The following ACKR2 variants were observed in gnomAD, a reference collection of about 807,000 sequenced individuals.
The protein encoded by ACKR2 is atypical chemokine receptor 2, also known as C-C chemokine receptor D6.
For missense variants in ACKR2, 457 were observed against 477.3 expected (o/e 0.96, Z 0.40); for synonymous variants, 207 against 192.2 (o/e 1.08, Z -0.64).
intron 2 of ACKR2, among the ~76,000 whole-genome samples, chr3:42,834,279 T>C (rs1440387291): frequency 6.6e-6 from 1 of 152,140 alleles, no homozygotes; most frequent in African/African-American, 2.4e-5. Flanking sequence ...ATTATACCGC[T>C]ATGGTGATCT....
intron 2 of ACKR2, among the ~76,000 whole-genome samples, chr3:42,853,494 G>A (rs78023511): frequency 0.073 from 11,081 of 152,118 alleles, 594 homozygotes; most frequent in Non-Finnish European, 0.11. Flanking sequence ...CAAACTCCTA[G>A]GCTCAAGGAA....
intron 2 of ACKR2, among the ~76,000 whole-genome samples, chr3:42,825,949 G>A (rs1235818317): frequency 6.7e-6 from 1 of 149,800 alleles, no homozygotes; most frequent in Admixed American, 6.7e-5. Context: ...ATCAGGAAAG[G>A]TGGTGAAGAT....
At chr3:42,826,533 A>C (rs1463473975) in intron 2 of ACKR2, among the ~76,000 whole-genome samples, 1 of 152,062 alleles carries the variant, frequency 6.6e-6, no homozygotes, top group Admixed American at 6.5e-5. Context: ...ATTTATTGGC[A>C]TACAGATGTT....
chr3:42,846,511 G>C (rs749461167), intron 2 of ACKR2, among the ~76,000 whole-genome samples: 1 of 152,180 alleles, frequency 6.6e-6, no homozygotes, highest in African/African-American at 2.4e-5. Context: ...GGTGCATCCA[G>C]CTGCTGCTAT....
In ACKR2 at chr3:42,852,053, G is replaced by A. The variant is rs562919855; in HGVS notation, c.-37-12413G>A. On this transcript the variant is annotated intron_variant, in intron 2 of 2. Coordinates refer to ENST00000422265, the MANE Select transcript of ACKR2 (RefSeq NM_001296.5). This position sits in a 1 kb window ranked among gnomAD's most constrained non-coding sequence, Gnocchi z 4.3. ...GGCTGGAAGAGAACCAATAGTATAT[G>A]CCAGGCCCTTAGTTTACCATAATAA... Among the ~76,000 whole-genome samples, 5 of 152,328 alleles carry A rather than the reference G, an allele frequency of 3.3e-5. No homozygotes were observed. In the South Asian group the frequency reaches 8.3e-4, roughly 25 times the overall value.
intron 2 of ACKR2, among the ~76,000 whole-genome samples, chr3:42,833,715 A>G (rs567947426): frequency 1.5e-3 from 229 of 152,050 alleles, no homozygotes; most frequent in African/African-American, 5.2e-3. Context: ...TTAAAAAAAA[A>G]ACTGCATTAC....
chr3:42,836,585 ACT>A (rs1464459864), intron 2 of ACKR2, among the ~76,000 whole-genome samples: 8 of 152,164 alleles, frequency 5.3e-5, no homozygotes, highest in Admixed American at 3.9e-4. Context: ...CATTGTCATG[ACT>A]CTGTGGGGCT....
chr3:42,846,239 C>T (rs1701095965), intron 2 of ACKR2, among the ~76,000 whole-genome samples: 2 of 152,208 alleles, frequency 1.3e-5, no homozygotes, highest in Non-Finnish European at 2.9e-5. Context: ...TCAGGAAGGG[C>T]TTCCTGGATG....
At chr3:42,809,565 C>G (rs1013867948) in intron 1 of ACKR2, 33 bp downstream of exon 1, 2 of 152,056 alleles carry the variant, frequency 1.3e-5, no homozygotes, top group East Asian at 3.9e-4. Flanking sequence ...AATTCTTAGA[C>G]AAAAAGTAGG....
intron 2 of ACKR2, among the ~76,000 whole-genome samples, chr3:42,849,884 G>A (rs1701134515): frequency 6.6e-6 from 1 of 152,082 alleles, no homozygotes; most frequent in South Asian, 2.1e-4. Flanking sequence ...TAAAATACAT[G>A]TCTTATATAT....
intron 2 of ACKR2, among the ~76,000 whole-genome samples, chr3:42,855,360 C>G (rs1343257335): frequency 1.3e-5 from 2 of 152,172 alleles, no homozygotes; most frequent in African/African-American, 4.8e-5. Flanking sequence ...CCCAATTTGC[C>G]TTATAAGGCT....
At chr3:42,850,045 G>C (rs185483534) in intron 2 of ACKR2, among the ~76,000 whole-genome samples, 25 of 152,212 alleles carry the variant, frequency 1.6e-4, no homozygotes, top group African/African-American at 5.3e-4. Flanking sequence ...GTACAAAAGG[G>C]GGGAGGTGAG....
chr3:42,851,790 G>C (rs554492132), intron 2 of ACKR2, among the ~76,000 whole-genome samples: 1 of 152,282 alleles, frequency 6.6e-6, no homozygotes, highest in East Asian at 1.9e-4. Context: ...CCGGCTGTAA[G>C]ATAATGGGGC....
intron 2 of ACKR2, among the ~76,000 whole-genome samples, chr3:42,821,240 A>G (rs2125604435): frequency 6.6e-6 from 1 of 152,290 alleles, no homozygotes; most frequent in South Asian, 2.1e-4. Flanking sequence ...ATTTGCTTTT[A>G]CCGTTAATTC....
intron 1 of ACKR2, among the ~76,000 whole-genome samples, chr3:42,814,195 CACTT>C (rs779350898): frequency 5.3e-5 from 8 of 152,204 alleles, no homozygotes; most frequent in Non-Finnish European, 1.0e-4. Flanking sequence ...GACAATGACA[CACTT>C]ACATCTTTCA....
At position 42,862,382 on chromosome 3, in the gene ACKR2, C is replaced by T. The variant is rs1165057416; in HGVS notation, c.-37-2084C>T. Reference sequence around the variant, plus strand: ...GAGAAGACACAAACAAATAGAAAAACATTCCACGCTCATGGATAGGAAAAA... The same window carrying T: ...GAGAAGACACAAACAAATAGAAAAATATTCCACGCTCATGGATAGGAAAAA... On this transcript the variant is annotated intron_variant, in intron 2 of 2. Transcript: ENST00000422265. 3.3e-5 allele frequency among the ~76,000 whole-genome samples: 5 copies of T among 152,178 alleles called. No individual in the cohort carries two copies. In the South Asian group the frequency reaches 6.2e-4, roughly 19 times the overall value.
intron 1 of ACKR2, among the ~76,000 whole-genome samples, chr3:42,817,833 T>C (rs1043517593): frequency 2.0e-5 from 3 of 152,326 alleles, no homozygotes; most frequent in Middle Eastern, 3.4e-3. Context: ...CTTACTTGAC[T>C]CTTCTATCAT....
rs565996928 is a variant in ACKR2, at chr3:42,835,788, A to G, written c.-38+16077A>G. Reference sequence around the variant, plus strand: ...CTTCTCTTTGCCTTTGGTGTGCTGCAATTTCATTATGATATGGGTGTGGAT... The same window carrying G: ...CTTCTCTTTGCCTTTGGTGTGCTGCGATTTCATTATGATATGGGTGTGGAT... On this transcript the variant is annotated intron_variant, in intron 2 of 2. Coordinates refer to ENST00000422265, the MANE Select transcript of ACKR2 (RefSeq NM_001296.5). 5.4e-3 allele frequency: 818 copies of G among 152,306 alleles called. 4 individuals are homozygous for G. The highest frequency in any genetic ancestry group is 9.0e-3 in the Non-Finnish European group (616 of 68,106). 9.4% of individuals were successfully genotyped at this position (152,306 alleles called of 1,614,324 possible). A position where few individuals can be genotyped will look rare whatever the true frequency, so the allele number is the denominator to read the frequency against.
chr3:42,860,864 T>C (rs1301462700), intron 2 of ACKR2, among the ~76,000 whole-genome samples: 2 of 152,014 alleles, frequency 1.3e-5, no homozygotes, highest in Non-Finnish European at 2.9e-5. Flanking sequence ...GCTAAAGCAG[T>C]GTTTACAGGG....
Sources: allele counts gnomAD v4.1 joint callset (sites outside exome capture counted in the v4.1 genomes callset), GRCh38; gene constraint gnomAD v4.1.1; non-coding constraint Gnocchi (gnomAD v3.1); transcripts MANE v1.5; gene names NCBI Gene and HGNC (gene_info 2026-07-23, HGNC 2026-07-21).